The following TAF4 variants were observed in gnomAD, a reference collection of about 807,000 sequenced individuals.
TAF4 encodes the protein transcription initiation factor TFIID subunit 4.
TAF4 carries 9 observed loss-of-function variants against 90.3 expected under a neutral mutation model. That is an observed-to-expected ratio of 0.10 (90% CI 0.06 to 0.17). The LOEUF is 0.17. Ranked by LOEUF, TAF4 falls within the 10% of genes least tolerant of loss-of-function variation. TAF4 has a pLI of 1.00. For missense variants in TAF4, 1,351 were observed against 1,370.7 expected (o/e 0.99, Z 0.23); for synonymous variants, 818 against 638.9 (o/e 1.28, Z -4.23).
rs766141423 is a variant in TAF4 at position 61,976,122 on chromosome 20, G to A, written c.*46C>T. ...ATATCCCATTTGCTCGTTACAAAAA[G>A]GCGTAATCTGCAAATATATAAAAAG... is the stretch of plus-strand genomic sequence containing the variant. On this transcript the variant is annotated 3_prime_UTR_variant, in exon 15 of 15. Transcript: ENST00000252996. The A allele has an allele frequency of 3.8e-6, 6 of 1,599,170 alleles. No homozygotes were observed. Among genetic ancestry groups the A allele is most frequent in the Non-Finnish European group, 5.1e-6 (6 of 1,167,534 alleles).
At chr20:62,062,719 T>C (rs561853266) in intron 1 of TAF4, among the ~76,000 whole-genome samples, 2 of 152,302 alleles carry the variant, frequency 1.3e-5, no homozygotes, top group South Asian at 2.1e-4. Context: ...GGATCACTCA[T>C]GATAAACACA....
At chr20:62,050,802 A>G (rs993151141) in intron 1 of TAF4, among the ~76,000 whole-genome samples, 1 of 151,980 alleles carries the variant, frequency 6.6e-6, no homozygotes, top group Non-Finnish European at 1.5e-5. Context: ...AAACACACAC[A>G]CATTGGCCCC....
In TAF4 at chr20:62,064,164, G is replaced by A. The variant is rs867360198; in HGVS notation, c.1360+287C>T. On this transcript the variant is annotated intron_variant, in intron 1 of 14. Transcript: ENST00000252996. ...GAGCAGGTAAGGACCACTCCACTAA[G>A]AGTCCTGGCTGAGCCACTCCGAAAC... 6 of 354,496 alleles carry A rather than the reference G, an allele frequency of 1.7e-5. No individual in the cohort carries two copies. The Middle Eastern group carries it at 2.2e-3, about 127-fold the overall frequency. 22.0% of individuals were successfully genotyped at this position (354,496 alleles called of 1,614,324 possible).
chr20:62,065,450 G>A lies in TAF4; in HGVS notation c.361C>T (p.Pro121Ser). 1 of 976,834 alleles carries A rather than the reference G, an allele frequency of 1.0e-6. No homozygotes were observed. The highest frequency in any genetic ancestry group is 1.2e-6 in the Non-Finnish European group (1 of 825,628). The allele number at this position is 976,834 out of a possible 1,614,324, so 60.5% of individuals were successfully genotyped here. A position where few individuals can be genotyped will look rare whatever the true frequency, so the allele number is the denominator to read the frequency against. Reference sequence around the variant, plus strand: ...GGCGGCCTCAGCTTCGCGGCGGGCGGCGCGGGCCCTGCGGGGACAAGGGGG... The same window carrying A: ...GGCGGCCTCAGCTTCGCGGCGGGCGACGCGGGCCCTGCGGGGACAAGGGGG... ...RRPLVPAGPA[P>S]PAAKLRPPPE... is the part of the protein sequence containing the mutation. Residue 121 changes from proline to serine, a missense_variant, in exon 1 of 15, where the codon CCG (proline) becomes TCG (serine). Pro to Ser is a moderately conservative substitution (Grantham distance 74). Around this residue, in one of 9 missense-constraint regions of TAF4, gnomAD observed 782 missense variants for 536.6 expected, o/e 1.46. Coordinates refer to ENST00000252996, the MANE Select transcript of TAF4 (RefSeq NM_003185.4).
At chr20:62,041,138 C>T (rs541601048) in intron 1 of TAF4, among the ~76,000 whole-genome samples, 3 of 152,220 alleles carry the variant, frequency 2.0e-5, no homozygotes, top group Non-Finnish European at 2.9e-5. Context: ...CGGCGAGAGG[C>T]GGCCCAGAGA....
rs140373717 is a variant in TAF4, at chr20:61,976,273, C to T, written c.3153G>A (p.Thr1051=). 5.5e-4 allele frequency: 886 copies of T among 1,613,970 alleles called. 4 individuals carry two copies. The Middle Eastern group carries it at 8.8e-3, about 16-fold the overall frequency. The change falls in exon 15 of 15, where the codon ACG becomes ACA. Residue 1051 remains threonine (T), a synonymous_variant. Transcript: ENST00000252996. ...SSGVGTPRQF[T]RQRITRVNLR... ...GGTTGACCCGCGTGATTCTTTGTCG[C>T]GTGAACTGTCTGGGGGTTCCGACAC...
chr20:62,040,518 G>C (rs1275354444), intron 1 of TAF4, among the ~76,000 whole-genome samples: 2 of 152,278 alleles, frequency 1.3e-5, no homozygotes, highest in African/African-American at 2.4e-5. Flanking sequence ...TTCCGATCCT[G>C]TACTCGACGG....
chr20:61,989,176 A>G (rs143589153), intron 14 of TAF4, among the ~76,000 whole-genome samples: 1,846 of 151,946 alleles, frequency 0.012, 41 homozygotes, highest in African/African-American at 0.042. Flanking sequence ...CGCACACCAC[A>G]CACTCCCCTA....
intron 14 of TAF4, among the ~76,000 whole-genome samples, chr20:61,985,115 CCA>C (rs1491384561): frequency 9.7e-6 from 1 of 103,178 alleles, no homozygotes; most frequent in Non-Finnish European, 2.3e-5. Context: ...ACTCTCCGGA[CCA>C]TGGCAACGCT....
intron 1 of TAF4, 118 bp from the exon 2 acceptor site, chr20:62,014,825 T>A (rs1043039085): frequency 7.4e-7 from 1 of 1,358,884 alleles, no homozygotes; most frequent in African/African-American, 1.5e-5. Context: ...AATCAAGTCT[T>A]AAACACACGA....
chr20:62,053,060 G>A (rs901648542), intron 1 of TAF4, among the ~76,000 whole-genome samples: 19 of 152,104 alleles, frequency 1.2e-4, no homozygotes, highest in Non-Finnish European at 1.8e-4. Context: ...GAACTCTGGT[G>A]GCACGCCCAC....
At chr20:62,023,000 C>CA (rs1210760315) in intron 1 of TAF4, among the ~76,000 whole-genome samples, 1 of 152,192 alleles carries the variant, frequency 6.6e-6, no homozygotes, top group East Asian at 1.9e-4. Context: ...TCAGGAGACT[C>CA]ACAATAGTTA....
intron 1 of TAF4, among the ~76,000 whole-genome samples, chr20:62,048,955 T>C (rs2056010627): frequency 7.8e-6 from 1 of 128,566 alleles, no homozygotes; most frequent in African/African-American, 3.0e-5. Flanking sequence ...TCTCCCTGCA[T>C]GCCCACCTCG....
At chr20:62,052,086 G>A (rs913342156) in intron 1 of TAF4, among the ~76,000 whole-genome samples, 7 of 152,098 alleles carry the variant, frequency 4.6e-5, no homozygotes, top group African/African-American at 1.4e-4. Context: ...CTGCATCCCC[G>A]CAGCACAGCA....
intron 1 of TAF4, among the ~76,000 whole-genome samples, chr20:62,020,792 T>G (rs970398812): frequency 6.6e-6 from 1 of 152,220 alleles, no homozygotes; most frequent in Admixed American, 6.5e-5. Context: ...CACCGAGGCA[T>G]TCCCCCTGAA....
At chr20:62,003,593 A>G in intron 8 of TAF4, 138 bp downstream of exon 8, 1 of 944,824 alleles carries the variant, frequency 1.1e-6, no homozygotes, top group Non-Finnish European at 1.5e-6. Context: ...AAATGAAATC[A>G]GTGCCACTGA....
At position 61,990,144 on chromosome 20, in the gene TAF4, A is replaced by G. The variant is rs1260588449; in HGVS notation, c.3090+7406T>C. ...AGTAGCCACCTAAGGTATCAGCCGCACGAGCATTTAGGGTGCTGGGTATCG... is the reference window on the plus strand; with the variant it reads ...AGTAGCCACCTAAGGTATCAGCCGCGCGAGCATTTAGGGTGCTGGGTATCG... On this transcript the variant is annotated intron_variant, in intron 14 of 14. Coordinates refer to ENST00000252996, the MANE Select transcript of TAF4 (RefSeq NM_003185.4). 2.6e-5 allele frequency among the ~76,000 whole-genome samples: 4 copies of G among 152,168 alleles called. No homozygotes were observed. The East Asian group carries it at 7.7e-4, about 29-fold the overall frequency.
intron 1 of TAF4, among the ~76,000 whole-genome samples, chr20:62,028,194 A>G (rs1449413227): frequency 2.0e-5 from 3 of 152,172 alleles, no homozygotes. Context: ...ACCAACAGGG[A>G]CAGACCCACC....
At chr20:62,025,046 G>A (rs1251201027) in intron 1 of TAF4, among the ~76,000 whole-genome samples, 1 of 152,178 alleles carries the variant, frequency 6.6e-6, no homozygotes, top group Non-Finnish European at 1.5e-5. Flanking sequence ...AAGATCAGGT[G>A]CTCTCCAGGA....
Sources: allele counts gnomAD v4.1 joint callset (sites outside exome capture counted in the v4.1 genomes callset), GRCh38; gene constraint gnomAD v4.1.1; regional missense constraint gnomAD v4.1.1; transcripts MANE v1.5; gene names NCBI Gene and HGNC (gene_info 2026-07-23, HGNC 2026-07-21).